Variants in PLSCR1 observed in about 807,000 individuals in gnomAD.
The protein encoded by PLSCR1 is PL scramblase 1.
Under a neutral mutation model 37.8 loss-of-function variants are expected in PLSCR1, and 17 were observed. The ratio of observed to expected loss-of-function variants is 0.45; its 90% CI spans 0.31 to 0.68. The LOEUF (loss-of-function observed/expected upper bound fraction) is 0.68. PLSCR1 is among the 30% of genes least tolerant of loss of function. The pLI, the probability that PLSCR1 is intolerant of heterozygous loss-of-function variation, is 0.06. For missense variants in PLSCR1, 347 were observed against 380.9 expected (o/e 0.91, Z 0.74); for synonymous variants, 116 against 125.9 (o/e 0.92, Z 0.53).
Position 146,528,820 on chromosome 3 carries a change from A to G in PLSCR1, c.106T>C (p.Tyr36His), listed in dbSNP as rs2044156041. The change falls in exon 4 of 9, where the codon TAT (tyrosine) becomes CAT (histidine). Residue 36 changes from tyrosine (Y) to histidine (H), a missense_variant. Coordinates refer to ENST00000342435, the MANE Select transcript of PLSCR1 (RefSeq NM_021105.3). ...PPTAFQGPPG[Y>H]SGYPGPQVSY... Reference sequence around the variant, plus strand: ...ACCTGGGGCCCAGGGTAGCCACTATATCCTGGAGGTCCTGAAATACAAACA... The same window carrying G: ...ACCTGGGGCCCAGGGTAGCCACTATGTCCTGGAGGTCCTGAAATACAAACA... 1 of 1,611,050 alleles carries G rather than the reference A, an allele frequency of 6.2e-7. No individual in the cohort carries two copies. Among genetic ancestry groups the G allele is most frequent in the Non-Finnish European group, 8.5e-7 (1 of 1,178,750 alleles).
At chr3:146,518,439 T>G (rs567429949) in intron 7 of PLSCR1, among the ~76,000 whole-genome samples, 3 of 152,240 alleles carry the variant, frequency 2.0e-5, no homozygotes, top group South Asian at 2.1e-4. Context: ...AGCTGCTGAG[T>G]TTTAGGGATT....
rs2043939929 is a variant in PLSCR1 at position 146,515,957 on chromosome 3, T to C, written c.*88A>G. 1 of 800,830 alleles carries C rather than the reference T, an allele frequency of 1.2e-6. No homozygotes were observed. Among genetic ancestry groups the C allele is most frequent in the East Asian group, 2.6e-5 (1 of 38,052 alleles). The allele number at this position is 800,830 out of a possible 1,614,324, so 49.6% of individuals were successfully genotyped here. ...AAGTATACAACCAGAGCTACAGGCC[T>C]TACAGCTTAATTCATACAGGTATGA... On this transcript the variant is annotated 3_prime_UTR_variant, in exon 9 of 9. Transcript: ENST00000342435.
chr3:146,529,663 C>T (rs1008578722), intron 3 of PLSCR1, among the ~76,000 whole-genome samples: 1 of 152,106 alleles, frequency 6.6e-6, no homozygotes, highest in Non-Finnish European at 1.5e-5. Context: ...CAGGCGCCCA[C>T]CACCACGCCC....
intron 1 of PLSCR1, among the ~76,000 whole-genome samples, chr3:146,539,308 T>C (rs1300886314): frequency 1.3e-5 from 2 of 152,050 alleles, no homozygotes; most frequent in Non-Finnish European, 2.9e-5. Flanking sequence ...TGACAGGAGG[T>C]TGAGCTCAGG....
At chr3:146,523,110 G>A (rs961173675) in intron 5 of PLSCR1, among the ~76,000 whole-genome samples, 3 of 152,180 alleles carry the variant, frequency 2.0e-5, no homozygotes, top group Non-Finnish European at 4.4e-5. Context: ...TATGCTGAAT[G>A]CCAGTCCCCT....
intron 7 of PLSCR1, among the ~76,000 whole-genome samples, chr3:146,518,670 T>C (rs1264738663): frequency 6.6e-6 from 1 of 152,180 alleles, no homozygotes; most frequent in Non-Finnish European, 1.5e-5. Flanking sequence ...GATATTAACA[T>C]TTGCCCTTTT....
chr3:146,519,325 G>C (rs903435803), intron 7 of PLSCR1, among the ~76,000 whole-genome samples: 3 of 152,048 alleles, frequency 2.0e-5, no homozygotes, highest in Non-Finnish European at 4.4e-5. Flanking sequence ...GTGGGCTATA[G>C]TTGACCATAT....
Position 146,521,860 on chromosome 3 carries a change from G to A in PLSCR1, c.549C>T (p.Ser183=), listed in dbSNP as rs2044026830. 6.2e-7 allele frequency: 1 copy of A among 1,613,348 alleles called. No homozygotes were observed. The highest frequency in any genetic ancestry group is 8.5e-7 in the Non-Finnish European group (1 of 1,179,470). Residue 183 remains serine, a synonymous_variant, in exon 6 of 9, where the codon AGC becomes AGT. Transcript: ENST00000342435. The part of the protein sequence containing the change: ...ITLERPLRCS[S]CCCPCCLQEI... ...CCTGAAGGCAGCAGGGACAACAACA[G>A]CTGCTACATCTTAGTGGTCTCTCCA...
chr3:146,534,333 G>A (rs1241678457), intron 2 of PLSCR1, among the ~76,000 whole-genome samples: 2 of 151,340 alleles, frequency 1.3e-5, no homozygotes, highest in African/African-American at 4.9e-5. Context: ...AGCTTAAGGT[G>A]CAGTAGACAC....
intron 3 of PLSCR1, among the ~76,000 whole-genome samples, chr3:146,530,758 A>C (rs922168281): frequency 6.6e-6 from 1 of 152,236 alleles, no homozygotes; most frequent in African/African-American, 2.4e-5. Flanking sequence ...AGCAACAGGA[A>C]GCTGTTCATC....
intron 3 of PLSCR1, among the ~76,000 whole-genome samples, chr3:146,529,038 G>A (rs1259489103): frequency 6.6e-6 from 1 of 152,140 alleles, no homozygotes; most frequent in African/African-American, 2.4e-5. Flanking sequence ...AGTATGCGGT[G>A]AATAGCCTTA....
At chr3:146,523,144 C>T (rs2044055233) in intron 5 of PLSCR1, among the ~76,000 whole-genome samples, 1 of 152,328 alleles carries the variant, frequency 6.6e-6, no homozygotes, top group Admixed American at 6.5e-5. Context: ...TTTCTCTATA[C>T]TTTGTCTCTG....
chr3:146,522,762 T>C (rs1184753286), intron 5 of PLSCR1, among the ~76,000 whole-genome samples: 1 of 152,180 alleles, frequency 6.6e-6, no homozygotes, highest in East Asian at 1.9e-4. Context: ...ATCTGTCTCC[T>C]GCTCGTCCCT....
chr3:146,532,993 A>G (rs1017524282), intron 3 of PLSCR1, among the ~76,000 whole-genome samples: 1 of 152,200 alleles, frequency 6.6e-6, no homozygotes, highest in Non-Finnish European at 1.5e-5. Context: ...CTGAATTTCT[A>G]TTACTTTCAG....
intron 3 of PLSCR1, among the ~76,000 whole-genome samples, chr3:146,529,516 A>AT (rs111660673): frequency 0.076 from 10,787 of 141,924 alleles, 519 homozygotes; most frequent in African/African-American, 0.14. Flanking sequence ...CTTTCTTTCC[A>AT]TTTTTTTTTT....
At chr3:146,541,379 T>C (rs887100055) in intron 1 of PLSCR1, among the ~76,000 whole-genome samples, 3 of 152,200 alleles carry the variant, frequency 2.0e-5, no homozygotes, top group Non-Finnish European at 4.4e-5. Flanking sequence ...TCTCATTTGA[T>C]TGCTTTACTA....
chr3:146,528,560 C>T (rs1182640071), intron 4 of PLSCR1, 54 bp downstream of exon 4: 1 of 1,414,426 alleles, frequency 7.1e-7, no homozygotes, highest in South Asian at 1.1e-5. Context: ...TCTGGTTAAG[C>T]AAGCTGGAAG....
intron 3 of PLSCR1, among the ~76,000 whole-genome samples, chr3:146,532,083 C>T (rs993682333): frequency 6.6e-6 from 1 of 152,136 alleles, no homozygotes; most frequent in Admixed American, 6.5e-5. Flanking sequence ...GCATCGTTAT[C>T]TTAAGACTTG....
intron 5 of PLSCR1, among the ~76,000 whole-genome samples, chr3:146,523,075 G>T (rs1385255897): frequency 6.6e-6 from 1 of 152,190 alleles, no homozygotes; most frequent in Admixed American, 6.5e-5. Context: ...GGAACTCAGA[G>T]GCCGGTGCTG....
Sources: allele counts gnomAD v4.1 joint callset (sites outside exome capture counted in the v4.1 genomes callset), GRCh38; gene constraint gnomAD v4.1.1; transcripts MANE v1.5; gene names NCBI Gene and HGNC (gene_info 2026-07-23, HGNC 2026-07-21).